Variants in ATP8A1 observed in about 807,000 individuals in gnomAD.
The protein encoded by ATP8A1 is phospholipid-transporting ATPase IA.
A neutral mutation model predicts 177.7 loss-of-function variants in ATP8A1; 90 were observed. That is an observed-to-expected ratio of 0.51 (90% confidence interval 0.43 to 0.60). The LOEUF (loss-of-function observed/expected upper bound fraction) is 0.60, where lower values mean the gene tolerates loss of function less well. ATP8A1 is among the 20% of genes least tolerant of loss of function. The pLI is 0.00. For synonymous variants in ATP8A1, 493 were observed against 485.9 expected, an observed-to-expected ratio of 1.01 and a Z score of -0.19; for missense variants, 1,072 against 1,392.8, an observed-to-expected ratio of 0.77 and a Z score of 3.67.
chr4:42,639,573 G>GA (rs1404947458), intron 1 of ATP8A1, among the ~76,000 whole-genome samples: 1 of 151,896 alleles, frequency 6.6e-6, no homozygotes, highest in Non-Finnish European at 1.5e-5. Context: ...TTTTAAGAGG[G>GA]AAAAAAAGAA....
chr4:42,616,126 T>C (rs1736890660), intron 4 of ATP8A1, 48 bp from the exon 5 acceptor site: 2 of 1,523,828 alleles, frequency 1.3e-6, no homozygotes, highest in Admixed American at 1.8e-5. Flanking sequence ...TGAATAAGAT[T>C]ACTAAAACAA....
intron 22 of ATP8A1, among the ~76,000 whole-genome samples, chr4:42,514,717 T>C (rs1409411041): frequency 6.6e-6 from 1 of 152,172 alleles, no homozygotes; most frequent in Non-Finnish European, 1.5e-5. Context: ...AACTTACAGA[T>C]TATTAGCATG....
chr4:42,544,374 CAATT>C (rs2153207215), intron 19 of ATP8A1, among the ~76,000 whole-genome samples: 1 of 152,170 alleles, frequency 6.6e-6, no homozygotes, highest in African/African-American at 2.4e-5. Flanking sequence ...CAATACAAAT[CAATT>C]GTTATTAAAA....
chr4:42,591,420 C>T (rs1216479460), intron 6 of ATP8A1, among the ~76,000 whole-genome samples: 4 of 152,080 alleles, frequency 2.6e-5, no homozygotes, highest in African/African-American at 9.6e-5. Flanking sequence ...AAATATCTTA[C>T]TAACTTTAAT....
intron 35 of ATP8A1, among the ~76,000 whole-genome samples, chr4:42,421,419 T>C (rs1249062896): frequency 6.6e-6 from 1 of 152,160 alleles, no homozygotes; most frequent in Non-Finnish European, 1.5e-5. Context: ...CAGGCCCAGA[T>C]CTGTCACTAA....
At chr4:42,643,910 A>G (rs1372395060) in intron 1 of ATP8A1, among the ~76,000 whole-genome samples, 1 of 152,186 alleles carries the variant, frequency 6.6e-6, no homozygotes, top group Non-Finnish European at 1.5e-5. Flanking sequence ...CTTTCTCGCC[A>G]ATTATTTATA....
intron 25 of ATP8A1, 97 bp from the exon 26 acceptor site, chr4:42,465,173 A>G: frequency 9.4e-7 from 1 of 1,066,500 alleles, no homozygotes; most frequent in African/African-American, 1.6e-5. Flanking sequence ...GACCTAAATG[A>G]ATAGTTCTCT....
rs1237257142 is a variant in ATP8A1, at chr4:42,551,074, C to T, written c.1602+124G>A. ...CCTAAAGAAATAGCTAAAAGAACACCCAGTAGTTGCTTCTGGAGTGGGGAA... is the reference window on the plus strand; with the variant it reads ...CCTAAAGAAATAGCTAAAAGAACACTCAGTAGTTGCTTCTGGAGTGGGGAA... On this transcript the variant is annotated intron_variant, in intron 18 of 36. Coordinates refer to ENST00000381668, the MANE Select transcript of ATP8A1 (RefSeq NM_006095.2). 8.4e-6 allele frequency: 6 copies of T among 714,192 alleles called. No individual in the cohort carries two copies. The African/African-American group carries it at 8.9e-5, about 11-fold the overall frequency. 44.2% of individuals were successfully genotyped at this position (714,192 alleles called of 1,614,324 possible). A position where few individuals can be genotyped will look rare whatever the true frequency, so the allele number is the denominator to read the frequency against.
intron 20 of ATP8A1, among the ~76,000 whole-genome samples, chr4:42,535,880 A>T (rs976171328): frequency 1.3e-5 from 2 of 152,256 alleles, no homozygotes; most frequent in African/African-American, 2.4e-5. Context: ...GTCAACAATG[A>T]AATCAAGATG....
chr4:42,466,680 A>C (rs959641915), intron 25 of ATP8A1, among the ~76,000 whole-genome samples: 2 of 152,270 alleles, frequency 1.3e-5, no homozygotes, highest in African/African-American at 4.8e-5. Flanking sequence ...GCAATAGTAC[A>C]AAATGACACA....
At chr4:42,545,571 T>C (rs552265036) in intron 19 of ATP8A1, among the ~76,000 whole-genome samples, 2 of 152,352 alleles carry the variant, frequency 1.3e-5, no homozygotes, top group East Asian at 1.9e-4. Context: ...CTTGCTCTCT[T>C]GCACTGTGCA....
At chr4:42,578,238 A>T (rs1307477345) in intron 12 of ATP8A1, 22 bp downstream of exon 12, 2 of 1,567,902 alleles carry the variant, frequency 1.3e-6, no homozygotes, top group Non-Finnish European at 1.7e-6. Context: ...GTAGGGTGAT[A>T]ACAATCATAA....
chr4:42,606,251 C>T (rs757667148), intron 5 of ATP8A1, among the ~76,000 whole-genome samples: 2 of 152,186 alleles, frequency 1.3e-5, no homozygotes, highest in Non-Finnish European at 2.9e-5. Flanking sequence ...TATGGTACAG[C>T]AGGAAAATGA....
chr4:42,534,441 T>G (rs1198456709), intron 20 of ATP8A1, among the ~76,000 whole-genome samples: 2 of 151,990 alleles, frequency 1.3e-5, no homozygotes, highest in African/African-American at 4.8e-5. Flanking sequence ...GCTTTTAAAT[T>G]ACCCCAATCT....
intron 1 of ATP8A1, among the ~76,000 whole-genome samples, chr4:42,631,163 G>A (rs1283857364): frequency 2.0e-5 from 3 of 152,198 alleles, no homozygotes; most frequent in Non-Finnish European, 4.4e-5. Flanking sequence ...ACCTTGTGGT[G>A]TAACTGACAA....
At chr4:42,518,152 A>G (rs554873754) in intron 22 of ATP8A1, among the ~76,000 whole-genome samples, 31 of 152,242 alleles carry the variant, frequency 2.0e-4, no homozygotes, top group African/African-American at 7.2e-4. Flanking sequence ...CAAACATTGG[A>G]GGAACAAGAG....
chr4:42,640,000 T>C (rs1485734769), intron 1 of ATP8A1, among the ~76,000 whole-genome samples: 2 of 152,262 alleles, frequency 1.3e-5, no homozygotes, highest in South Asian at 2.1e-4. Flanking sequence ...TTTTGCTTTT[T>C]GAAACTCTAT....
At chr4:42,422,744 A>G (rs779304217) in intron 35 of ATP8A1, 63 bp downstream of exon 35, 17 of 1,306,582 alleles carry the variant, frequency 1.3e-5, no homozygotes, top group Admixed American at 5.4e-5. Flanking sequence ...CTTATTTCCA[A>G]CCACTAGTAC....
At chr4:42,582,494 A>AC (rs1467853967) in intron 9 of ATP8A1, among the ~76,000 whole-genome samples, 5 of 84,310 alleles carry the variant, frequency 5.9e-5, no homozygotes, top group African/African-American at 2.3e-4. Context: ...ACACACACCC[A>AC]CCCCCCACAC....
Sources: gnomAD v4.1 joint callset for allele counts (sites outside exome capture counted in the v4.1 genomes callset) on GRCh38, gnomAD v4.1.1 for gene constraint, MANE v1.5 for transcripts, NCBI Gene and HGNC (gene_info 2026-07-23, HGNC 2026-07-21) for gene names.